Variants in CSNK1A1 observed in about 807,000 individuals in gnomAD.
The protein encoded by CSNK1A1 is casein kinase I isoform alpha.
Under a neutral mutation model 46.1 loss-of-function variants are expected in CSNK1A1, and 7 were observed. The observed-to-expected ratio is 0.15, with a 90% confidence interval of 0.09 to 0.29. The LOEUF (loss-of-function observed/expected upper bound fraction) is 0.29. CSNK1A1 is among the 10% of genes least tolerant of loss of function. CSNK1A1 has a pLI of 1.00. For missense variants in CSNK1A1, 96 were observed against 417.1 expected (o/e 0.23, Z 6.71); for synonymous variants, 137 against 141.5 (o/e 0.97, Z 0.23).
intron 3 of CSNK1A1, among the ~76,000 whole-genome samples, chr5:149,522,225 AG>A (rs1405327096): frequency 1.3e-5 from 2 of 152,004 alleles, no homozygotes; most frequent in Non-Finnish European, 2.9e-5. Flanking sequence ...CTCTCAGCTC[AG>A]CCCCCTGAGA....
At chr5:149,502,780 T>C (rs1196631917) in intron 9 of CSNK1A1, 4 of 983,200 alleles carry the variant, frequency 4.1e-6, no homozygotes, top group South Asian at 4.7e-5. Flanking sequence ...CTTTTTTTTT[T>C]TTTTTTGAGA....
At chr5:149,515,395 C>T (rs998980508) in intron 4 of CSNK1A1, among the ~76,000 whole-genome samples, 6 of 152,174 alleles carry the variant, frequency 3.9e-5, no homozygotes, top group African/African-American at 1.4e-4. Context: ...ATTCAGTGTT[C>T]GCTGGAGAGT....
chr5:149,503,683 C>T (rs1760943149), intron 9 of CSNK1A1: 2 of 985,206 alleles, frequency 2.0e-6, no homozygotes, highest in Non-Finnish European at 2.4e-6. Flanking sequence ...CTCAGTGGAT[C>T]CAACTTCTCA....
chr5:149,512,891 G>C (rs1761275065), intron 5 of CSNK1A1, among the ~76,000 whole-genome samples, 179 bp downstream of exon 5: 1 of 152,090 alleles, frequency 6.6e-6, no homozygotes, highest in African/African-American at 2.4e-5. Context: ...AAATCCAGAA[G>C]ACCTCATTTA....
intron 9 of CSNK1A1, chr5:149,497,666 C>G: frequency 1.0e-6 from 1 of 985,438 alleles, no homozygotes; most frequent in Non-Finnish European, 1.2e-6. Context: ...CTCTTAAGCA[C>G]CGTTTTTCCT....
At chr5:149,501,882 T>C (rs1333686498) in intron 9 of CSNK1A1, 2 of 967,986 alleles carry the variant, frequency 2.1e-6, no homozygotes, top group East Asian at 2.3e-4. Context: ...AATTTCGAAG[T>C]GTGTTGGGTG....
At chr5:149,535,519 C>G (rs1762034575) in intron 2 of CSNK1A1, among the ~76,000 whole-genome samples, 1 of 152,154 alleles carries the variant, frequency 6.6e-6, no homozygotes, top group Non-Finnish European at 1.5e-5. Context: ...CTTACCTCCA[C>G]TCCTTAAAAA....
In CSNK1A1 at chr5:149,515,289, TA is replaced by T. The variant is rs1409597863; in HGVS notation, c.457-2081del. 1.2e-4 allele frequency among the ~76,000 whole-genome samples: 18 copies of T among 152,364 alleles called. No individual in the cohort carries two copies. In the East Asian group the frequency reaches 2.1e-3, roughly 18 times the overall value. ...GGAAGAGCTCTGACATGAGTATGTC[TA>T]ACAGTTTCATTCATGTCTAAATCTA... is the stretch of plus-strand genomic sequence containing the variant. On this transcript the variant is annotated intron_variant, in intron 4 of 9. Coordinates refer to ENST00000377843, the MANE Select transcript of CSNK1A1 (RefSeq NM_001892.6).
At chr5:149,507,836 T>C (rs779627099) in intron 7 of CSNK1A1, among the ~76,000 whole-genome samples, 1 of 152,320 alleles carries the variant, frequency 6.6e-6, no homozygotes, top group Non-Finnish European at 1.5e-5. Context: ...ACTTGTTCTT[T>C]ATAATTGAAC....
At chr5:149,546,038 G>A (rs1041101744) in intron 2 of CSNK1A1, among the ~76,000 whole-genome samples, 19 of 151,474 alleles carry the variant, frequency 1.3e-4, no homozygotes, top group Non-Finnish European at 1.9e-4. Flanking sequence ...ACAGGCGCAC[G>A]CCACCACACC....
chr5:149,549,843 AGAGT>A (rs1580871591), intron 2 of CSNK1A1, among the ~76,000 whole-genome samples: 1 of 152,216 alleles, frequency 6.6e-6, no homozygotes, highest in African/African-American at 2.4e-5. Flanking sequence ...AGCCTCGGGA[AGAGT>A]GAGAATGACG....
chr5:149,528,562 T>TA (rs1220266023), intron 2 of CSNK1A1, among the ~76,000 whole-genome samples: 3 of 152,200 alleles, frequency 2.0e-5, no homozygotes, highest in Admixed American at 2.0e-4. Flanking sequence ...TACTTATTCT[T>TA]AGTTTCTACC....
At chr5:149,515,021 T>C (rs1466217734) in intron 4 of CSNK1A1, among the ~76,000 whole-genome samples, 1 of 152,178 alleles carries the variant, frequency 6.6e-6, no homozygotes, top group Non-Finnish European at 1.5e-5. Flanking sequence ...AGTACACAAA[T>C]ATTAAAATGA....
intron 3 of CSNK1A1, among the ~76,000 whole-genome samples, chr5:149,524,825 T>C (rs1367888796): frequency 1.3e-5 from 2 of 152,192 alleles, no homozygotes; most frequent in East Asian, 1.9e-4. Flanking sequence ...AAGGAGCAGA[T>C]TGAAAACTAC....
At chr5:149,530,657 A>C (rs1761863912) in intron 2 of CSNK1A1, among the ~76,000 whole-genome samples, 1 of 152,092 alleles carries the variant, frequency 6.6e-6, no homozygotes, top group Non-Finnish European at 1.5e-5. Flanking sequence ...TCTCTTTAGG[A>C]TACTACTGCT....
intron 9 of CSNK1A1, chr5:149,498,622 T>TC: frequency 1.0e-6 from 1 of 985,212 alleles, no homozygotes; most frequent in African/African-American, 1.7e-5. Flanking sequence ...TAAACAGAAT[T>TC]CCCCCATCAG....
chr5:149,506,826 A>G (rs990903461), intron 8 of CSNK1A1, among the ~76,000 whole-genome samples: 2 of 152,212 alleles, frequency 1.3e-5, no homozygotes, highest in Non-Finnish European at 2.9e-5. Flanking sequence ...TCAACTCTCT[A>G]TCCACTCCAA....
intron 2 of CSNK1A1, among the ~76,000 whole-genome samples, chr5:149,531,898 T>C (rs753792941): frequency 2.0e-5 from 3 of 152,050 alleles, no homozygotes; most frequent in Non-Finnish European, 2.9e-5. Flanking sequence ...TATTATTATT[T>C]TTTGAGACAG....
chr5:149,537,614 A>C (rs1424776173), intron 2 of CSNK1A1, among the ~76,000 whole-genome samples: 1 of 151,690 alleles, frequency 6.6e-6, no homozygotes, highest in African/African-American at 2.4e-5. Flanking sequence ...AAAGAAAAAA[A>C]ATAACTCTTG....
Sources: allele counts gnomAD v4.1 joint callset (sites outside exome capture counted in the v4.1 genomes callset), GRCh38; gene constraint gnomAD v4.1.1; transcripts MANE v1.5; gene names NCBI Gene and HGNC (gene_info 2026-07-23, HGNC 2026-07-21).